TSPAN9: variants seen among roughly 807,000 people sequenced by gnomAD.
The protein encoded by TSPAN9 is tetraspanin 9.
TSPAN9 carries 16 observed loss-of-function variants against 31.0 expected under a neutral mutation model. That is an observed-to-expected ratio of 0.52 (90% CI 0.35 to 0.78). TSPAN9 has a LOEUF of 0.78. Among genes scored for constraint, TSPAN9 ranks in the 30% least tolerant of loss-of-function variants. TSPAN9 has a pLI of 0.01. For synonymous variants in TSPAN9, 145 were observed against 121.6 expected, an observed-to-expected ratio of 1.19 and a Z score of -1.27; for missense variants, 272 against 312.5, an observed-to-expected ratio of 0.87 and a Z score of 0.98.
intron 3 of TSPAN9, among the ~76,000 whole-genome samples, chr12:3,209,077 A>T (rs1453515352): frequency 6.6e-6 from 1 of 152,102 alleles, no homozygotes; most frequent in Non-Finnish European, 1.5e-5. Context: ...TCTACTAAAA[A>T]TACAAAAATT....
intron 2 of TSPAN9, among the ~76,000 whole-genome samples, chr12:3,196,242 A>G (rs1264090717): frequency 6.6e-6 from 1 of 152,140 alleles, no homozygotes; most frequent in Non-Finnish European, 1.5e-5. Context: ...GCGTCTCCCC[A>G]CACCAGCTTC....
At chr12:3,247,538 C>A (rs1329643063) in intron 3 of TSPAN9, among the ~76,000 whole-genome samples, 1 of 152,112 alleles carries the variant, frequency 6.6e-6, no homozygotes, top group Non-Finnish European at 1.5e-5. Context: ...AGGGAAGACA[C>A]CTTAAGAGAA....
At chr12:3,218,161 G>A (rs1428797875) in intron 3 of TSPAN9, among the ~76,000 whole-genome samples, 1 of 152,058 alleles carries the variant, frequency 6.6e-6, no homozygotes, top group Non-Finnish European at 1.5e-5. Context: ...TTTTTCTGTG[G>A]GCCCTGGTTT....
chr12:3,109,978 G>A (rs933529940), intron 2 of TSPAN9, among the ~76,000 whole-genome samples: 1 of 152,046 alleles, frequency 6.6e-6, no homozygotes, highest in African/African-American at 2.4e-5. Flanking sequence ...CCCCCAAAAG[G>A]CTTAGCAATC....
rs12819603 is a variant in TSPAN9 at position 3,091,328 on chromosome 12, C to A, written c.-18+7609C>A. On this transcript the variant is annotated intron_variant, in intron 2 of 8. Coordinates refer to ENST00000011898, the MANE Select transcript of TSPAN9 (RefSeq NM_006675.5). ...CTTCTCAAGCAACTCACAATGGACT[C>A]GACACCGTGACTTCCCGCAAGGTGT... is the stretch of plus-strand genomic sequence containing the variant. 3.9e-3 allele frequency among the ~76,000 whole-genome samples: 587 copies of A among 152,270 alleles called. 4 individuals are homozygous for A. Among genetic ancestry groups the A allele is most frequent in the Middle Eastern group, 0.017 (5 of 294 alleles).
Position 3,281,192 on chromosome 12 carries a change from G to C in TSPAN9, c.433-6G>C. On this transcript the variant is annotated splice_region_variant and splice_polypyrimidine_tract_variant and intron_variant, in intron 6 of 8. Coordinates refer to ENST00000011898, the MANE Select transcript of TSPAN9 (RefSeq NM_006675.5). Reference sequence around the variant, plus strand: ...TCTGACTGCCCCTTCCATTCCTGCTGGCCAGATGCGATGCTGTGGTGTCAC... The same window carrying C: ...TCTGACTGCCCCTTCCATTCCTGCTCGCCAGATGCGATGCTGTGGTGTCAC... The C allele has an allele frequency of 6.4e-7, 1 of 1,550,964 alleles. No homozygotes were observed. The highest frequency in any genetic ancestry group is 8.7e-7 in the Non-Finnish European group (1 of 1,146,878).
intron 3 of TSPAN9, among the ~76,000 whole-genome samples, chr12:3,275,244 G>A (rs1211219673): frequency 2.6e-5 from 4 of 152,192 alleles, no homozygotes; most frequent in Non-Finnish European, 5.9e-5. Flanking sequence ...GGGGCCCCCC[G>A]CTGCAGGTAC....
intron 3 of TSPAN9, among the ~76,000 whole-genome samples, chr12:3,243,832 C>T (rs1474690361): frequency 1.3e-5 from 2 of 152,180 alleles, no homozygotes; most frequent in African/African-American, 2.4e-5. Context: ...AGCAGGGGAG[C>T]GAGAGGTGAC....
At chr12:3,198,807 CACCAG>C (rs1565610698) in intron 2 of TSPAN9, among the ~76,000 whole-genome samples, 877 of 59,936 alleles carry the variant, frequency 0.015, 96 homozygotes, top group African/African-American at 0.038. Flanking sequence ...GCACAGGTCA[CACCAG>C]CACAGCTCAC....
chr12:3,282,956 G>A (rs1862926297), intron 8 of TSPAN9, 89 bp from the exon 9 acceptor site: 4 of 1,345,388 alleles, frequency 3.0e-6, no homozygotes, highest in Non-Finnish European at 4.2e-6. Context: ...CTTGCTCTAG[G>A]TGCCCTGTGA....
intron 2 of TSPAN9, among the ~76,000 whole-genome samples, chr12:3,199,180 C>G (rs2098369687): frequency 6.6e-6 from 1 of 152,204 alleles, no homozygotes; most frequent in Non-Finnish European, 1.5e-5. Context: ...TTTTCACACC[C>G]ACCGCCCCAG....
At chr12:3,278,901 C>A in intron 4 of TSPAN9, 91 bp from the exon 5 acceptor site, 1 of 1,396,150 alleles carries the variant, frequency 7.2e-7, no homozygotes, top group Non-Finnish European at 1.0e-6. Context: ...GGAAGCCCCA[C>A]CTAGGCGCCG....
rs1321422713 is a variant in TSPAN9, at chr12:3,285,484, G to A, written c.*2368G>A. 6.6e-6 allele frequency: 1 copy of A among 152,306 alleles called. No individual in the cohort carries two copies. The highest frequency in any genetic ancestry group is 2.4e-5 in the African/African-American group (1 of 41,534). The allele number at this position is 152,306 out of a possible 1,614,324, so 9.4% of individuals were successfully genotyped here. A position where few individuals can be genotyped will look rare whatever the true frequency, so the allele number is the denominator to read the frequency against. ...GTCTGTTTGCAGAGCCTCATCTACAGGTCCCCACGCTGCCTTCTTTACTCA... is the reference window on the plus strand; with the variant it reads ...GTCTGTTTGCAGAGCCTCATCTACAAGTCCCCACGCTGCCTTCTTTACTCA... On this transcript the variant is annotated 3_prime_UTR_variant, in exon 9 of 9. Transcript: ENST00000011898.
At chr12:3,220,752 G>A (rs941434248) in intron 3 of TSPAN9, among the ~76,000 whole-genome samples, 1 of 151,988 alleles carries the variant, frequency 6.6e-6, no homozygotes, top group African/African-American at 2.4e-5. Context: ...TGTGCTGCCG[G>A]GGAAGAGTGC....
In TSPAN9 at chr12:3,170,652, A is replaced by G. The variant is rs1474877698; in HGVS notation, c.-17-30525A>G. ...CATGCATGTGGCTTCTCCTGGCCAC[A>G]GAGCACCTTATCTGTAGAATGAGAT... On this transcript the variant is annotated intron_variant, in intron 2 of 8. Coordinates refer to ENST00000011898, the MANE Select transcript of TSPAN9 (RefSeq NM_006675.5). This position sits in a 1 kb window ranked among gnomAD's most constrained non-coding sequence, Gnocchi z 4.4. 6.6e-6 allele frequency among the ~76,000 whole-genome samples: 1 copy of G among 152,168 alleles called. No individual in the cohort carries two copies. The highest frequency in any genetic ancestry group is 1.5e-5 in the Non-Finnish European group (1 of 68,034).
chr12:3,281,882 A>G (rs756884895), intron 8 of TSPAN9, 65 bp downstream of exon 8: 2 of 1,556,712 alleles, frequency 1.3e-6, no homozygotes, highest in Admixed American at 1.7e-5. Context: ...GGAAGGAAGC[A>G]CAGAGAAGTG....
At chr12:3,171,036 G>A (rs554308243) in intron 2 of TSPAN9, among the ~76,000 whole-genome samples, 149 of 152,082 alleles carry the variant, frequency 9.8e-4, no homozygotes, top group African/African-American at 3.4e-3. Flanking sequence ...TGTGGCTATA[G>A]CCCTGATCCA....
At chr12:3,176,601 A>G (rs574028008) in intron 2 of TSPAN9, among the ~76,000 whole-genome samples, 38 of 152,344 alleles carry the variant, frequency 2.5e-4, no homozygotes, top group African/African-American at 8.7e-4. Context: ...TTAGCTGTGA[A>G]AGAAGACTAA....
chr12:3,081,151 A>T (rs11062491), intron 1 of TSPAN9, among the ~76,000 whole-genome samples: 17,482 of 152,254 alleles, frequency 0.11, 1,101 homozygotes, highest in Middle Eastern at 0.19. Flanking sequence ...GGCCTCATAT[A>T]CAGCAGGTGT....
Sources: allele counts gnomAD v4.1 joint callset (sites outside exome capture counted in the v4.1 genomes callset), GRCh38; gene constraint gnomAD v4.1.1; non-coding constraint Gnocchi (gnomAD v3.1); transcripts MANE v1.5; gene names NCBI Gene and HGNC (gene_info 2026-07-23, HGNC 2026-07-21).